GOSR1: variants seen among roughly 807,000 people sequenced by gnomAD.
GOSR1 encodes golgi SNAP receptor complex member 1.
Under a neutral mutation model 35.5 loss-of-function variants are expected in GOSR1, and 21 were observed. The ratio of observed to expected loss-of-function variants is 0.59; its 90% CI spans 0.42 to 0.85. The LOEUF is 0.85. Ranked by LOEUF, GOSR1 falls within the 40% of genes least tolerant of loss-of-function variation. The probability of loss-of-function intolerance (pLI) is 0.00; values close to 1 mark genes in which losing one functional copy is unlikely to be tolerated. For synonymous variants in GOSR1, 94 were observed against 106.6 expected (o/e 0.88, Z 0.73); for missense variants, 285 against 309.6 (o/e 0.92, Z 0.60).
At chr17:30,493,126 CTGGGACTACAGGCG>C (rs1915150144) in intron 6 of GOSR1, among the ~76,000 whole-genome samples, 1 of 152,116 alleles carries the variant, frequency 6.6e-6, no homozygotes, top group Admixed American at 6.5e-5. Context: ...TCCCAAGTAG[CTGGGACTACAGGCG>C]TGTGCCACCA....
intron 5 of GOSR1, among the ~76,000 whole-genome samples, chr17:30,491,235 G>T (rs536234689): frequency 1.4e-4 from 21 of 152,258 alleles, no homozygotes; most frequent in Non-Finnish European, 2.9e-4. Flanking sequence ...CCCATAATTT[G>T]TGGGAATCAC....
At chr17:30,491,867 GA>G (rs1189971539) in intron 5 of GOSR1, among the ~76,000 whole-genome samples, 2 of 152,178 alleles carry the variant, frequency 1.3e-5, no homozygotes, top group Non-Finnish European at 2.9e-5. Context: ...AAGTGGCTAT[GA>G]AATGATTCAG....
rs1210235506 is a variant in GOSR1 at position 30,480,281 on chromosome 17, G to A, written c.32-862G>A. On this transcript the variant is annotated intron_variant, in intron 1 of 8. Coordinates refer to ENST00000451249, the MANE Select transcript of GOSR1 (RefSeq NM_001007025.2). ...GCCAAGGTCATGCCACTGCACTCCA[G>A]CCTGGGTGACAGAACGAGACTCCAT... is the stretch of plus-strand genomic sequence containing the variant. 2.0e-5 allele frequency: 3 copies of A among 151,120 alleles called. No homozygotes were observed. The East Asian group carries it at 5.8e-4, about 29-fold the overall frequency. 9.4% of individuals were successfully genotyped at this position (151,120 alleles called of 1,614,324 possible).
intron 1 of GOSR1, chr17:30,478,723 A>G (rs950499044): frequency 6.6e-6 from 1 of 151,824 alleles, no homozygotes; most frequent in Non-Finnish European, 1.5e-5. Context: ...CGCCTGGCTA[A>G]TTTTTGTATT....
Position 30,484,741 on chromosome 17 carries a change from A to G in GOSR1, c.313A>G (p.Thr105Ala). The G allele has an allele frequency of 6.3e-7, 1 of 1,584,676 alleles. No homozygotes were observed. Among genetic ancestry groups the G allele is most frequent in the Non-Finnish European group, 8.7e-7 (1 of 1,153,346 alleles). ...CTCCTTGAATGCAGCCCTGATGCATACATTACAGCGGCATAGAGACATATT... is the reference window on the plus strand; with the variant it reads ...CTCCTTGAATGCAGCCCTGATGCATGCATTACAGCGGCATAGAGACATATT... ...VPSLNAALMHTLQRHRDILQD... is the reference protein window; with the variant it reads ...VPSLNAALMHALQRHRDILQD... Residue 105 changes from threonine to alanine, a missense_variant, in exon 4 of 9, where the codon ACA (threonine) becomes GCA (alanine). Transcript: ENST00000451249.
intron 6 of GOSR1, among the ~76,000 whole-genome samples, chr17:30,499,109 T>C (rs1967106456): frequency 6.6e-6 from 1 of 152,204 alleles, no homozygotes; most frequent in East Asian, 1.9e-4. Flanking sequence ...ATTCATACAG[T>C]CTGCACTTAT....
At chr17:30,517,293 C>A (rs1208124065) in intron 7 of GOSR1, among the ~76,000 whole-genome samples, 1 of 152,174 alleles carries the variant, frequency 6.6e-6, no homozygotes, top group African/African-American at 2.4e-5. Context: ...AAAAGTCAAT[C>A]TCCTGGTAGT....
At chr17:30,511,040 C>A in intron 7 of GOSR1, 131 bp downstream of exon 7, 1 of 527,898 alleles carries the variant, frequency 1.9e-6, no homozygotes, top group Non-Finnish European at 3.4e-6. Flanking sequence ...CGTTTATCCT[C>A]CTTAAAGATG....
chr17:30,481,144 T>G lies in GOSR1; in HGVS notation c.33T>G (p.Asp11Glu), dbSNP rs779901990. ...TTTGTTGTTATAATTTTGTTAAAGA[T>G]CTCAGGAAACAGGCTCGACAGCTGG... MAAGTSSYWEDLRKQARQLEN... is the reference protein window; with the variant it reads MAAGTSSYWEELRKQARQLEN... The change falls in exon 2 of 9, where the codon GAT becomes GAG. Residue 11 changes from aspartate (D) to glutamate (E), a missense_variant and splice_region_variant. Asp to Glu is a conservative substitution (Grantham distance 45). Transcript: ENST00000451249. 2 of 1,588,400 alleles carry G rather than the reference T, an allele frequency of 1.3e-6. No homozygotes were observed. The highest frequency in any genetic ancestry group is 1.7e-5 in the Admixed American group (1 of 59,962).
intron 6 of GOSR1, among the ~76,000 whole-genome samples, chr17:30,497,700 G>A (rs538738827): frequency 3.9e-5 from 6 of 152,184 alleles, no homozygotes; most frequent in Non-Finnish European, 8.8e-5. Context: ...TGTGGAACCC[G>A]TCAATGCCAG....
chr17:30,518,605 A>T (rs956693740), intron 7 of GOSR1, among the ~76,000 whole-genome samples: 33 of 152,292 alleles, frequency 2.2e-4, no homozygotes, highest in African/African-American at 7.9e-4. Context: ...ACTATGGGAA[A>T]TGAATAATCC....
In GOSR1 at chr17:30,495,748, T is replaced by C. The variant is rs139767200; in HGVS notation, c.509+2995T>C. Among the ~76,000 whole-genome samples the C allele has an allele frequency of 7.9e-5, 12 of 152,368 alleles. No individual in the cohort carries two copies. In the East Asian group the frequency reaches 2.1e-3, roughly 27 times the overall value. ...GAGATTAACTGAAATACTCCCAACA[T>C]TGGGCCTTTCCTGTGCCCCTGTCTT... On this transcript the variant is annotated intron_variant, in intron 6 of 8. Transcript: ENST00000451249.
At chr17:30,511,003 A>G in intron 7 of GOSR1, 94 bp downstream of exon 7, 1 of 754,648 alleles carries the variant, frequency 1.3e-6, no homozygotes, top group Non-Finnish European at 2.3e-6. Flanking sequence ...ATTAAAGAAA[A>G]AACATTTTAA....
At chr17:30,504,095 C>T (rs1185922196) in intron 6 of GOSR1, among the ~76,000 whole-genome samples, 27 of 150,296 alleles carry the variant, frequency 1.8e-4, no homozygotes, top group Non-Finnish European at 1.3e-4. Flanking sequence ...GGCACGATCT[C>T]GGCTCACTGC....
chr17:30,486,405 T>A (rs1421204034), intron 4 of GOSR1, among the ~76,000 whole-genome samples: 3 of 151,678 alleles, frequency 2.0e-5, no homozygotes, highest in African/African-American at 7.3e-5. Context: ...TTATCCCAGC[T>A]ACTTGGGAGG....
chr17:30,482,817 A>C (rs1914439127), intron 2 of GOSR1: 1 of 152,244 alleles, frequency 6.6e-6, no homozygotes, highest in East Asian at 1.9e-4. Context: ...TTTAGCAAGT[A>C]AAGAGAATGA....
At chr17:30,487,515 A>G (rs1914750174) in intron 4 of GOSR1, among the ~76,000 whole-genome samples, 1 of 152,256 alleles carries the variant, frequency 6.6e-6, no homozygotes, top group Non-Finnish European at 1.5e-5. Flanking sequence ...GCTTACAAAA[A>G]AATGAATGGC....
chr17:30,507,356 G>A (rs1479202943), intron 6 of GOSR1, among the ~76,000 whole-genome samples: 1 of 152,200 alleles, frequency 6.6e-6, no homozygotes, highest in Non-Finnish European at 1.5e-5. Context: ...ACTTTGAGGG[G>A]TTCAAGCCTT....
At chr17:30,514,025 A>G (rs1238167615) in intron 7 of GOSR1, among the ~76,000 whole-genome samples, 2 of 152,244 alleles carry the variant, frequency 1.3e-5, no homozygotes, top group Non-Finnish European at 2.9e-5. Flanking sequence ...AGACCATAGT[A>G]TCTACTTGCA....
Sources: allele counts gnomAD v4.1 joint callset (sites outside exome capture counted in the v4.1 genomes callset), GRCh38; gene constraint gnomAD v4.1.1; transcripts MANE v1.5; gene names NCBI Gene and HGNC (gene_info 2026-07-23, HGNC 2026-07-21).